The following VPS41 variants were observed in gnomAD, a reference collection of about 807,000 sequenced individuals.
VPS41 encodes vacuolar protein sorting-associated protein 41 homolog.
A neutral mutation model predicts 130.9 loss-of-function variants in VPS41; 85 were observed. The ratio of observed to expected loss-of-function variants is 0.65; its 90% CI spans 0.55 to 0.78. The LOEUF (loss-of-function observed/expected upper bound fraction) is 0.78, where lower values mean the gene tolerates loss of function less well. Among genes scored for constraint, VPS41 ranks in the 30% least tolerant of loss-of-function variants. The pLI is 0.00. For missense variants in VPS41, 874 were observed against 1,018.7 expected, an observed-to-expected ratio of 0.86 and a Z score of 1.93; for synonymous variants, 335 against 332.9, an observed-to-expected ratio of 1.01 and a Z score of -0.07.
chr7:38,757,547 GACA>G (rs1166300204), intron 18 of VPS41, among the ~76,000 whole-genome samples: 1 of 152,148 alleles, frequency 6.6e-6, no homozygotes. Context: ...TATCTAACAG[GACA>G]ACGTTTCCAA....
At position 38,904,393 on chromosome 7, in the gene VPS41, G is replaced by A. The variant is rs545157362; in HGVS notation, c.21+4761C>T. Reference sequence around the variant, plus strand: ...CATTTTAGTTACATGATGGGAAAGAGTGCACCCTCTAAAATCTGTCTGATT... The same window carrying A: ...CATTTTAGTTACATGATGGGAAAGAATGCACCCTCTAAAATCTGTCTGATT... On this transcript the variant is annotated intron_variant, in intron 1 of 28. Coordinates refer to ENST00000310301, the MANE Select transcript of VPS41 (RefSeq NM_014396.4). Among the ~76,000 whole-genome samples the A allele has an allele frequency of 2.0e-5, 3 of 152,324 alleles. No homozygotes were observed. In the South Asian group the frequency reaches 6.2e-4, roughly 32 times the overall value.
Position 38,874,697 on chromosome 7 carries a change from C to T in VPS41, c.61-5444G>A, listed in dbSNP as rs142576243. Among the ~76,000 whole-genome samples the T allele has an allele frequency of 9.7e-3, 1,480 of 152,214 alleles. 7 individuals carry two copies. Among genetic ancestry groups the T allele is most frequent in the Non-Finnish European group, 0.014 (975 of 67,990 alleles). On this transcript the variant is annotated intron_variant, in intron 2 of 28. Coordinates refer to ENST00000310301, the MANE Select transcript of VPS41 (RefSeq NM_014396.4). ...ACAAACACACACAAAAAAAACCTTT[C>T]ATGCAGTTTGAACTTCCACAGTAAA...
intron 25 of VPS41, among the ~76,000 whole-genome samples, chr7:38,730,930 C>G (rs186661564): frequency 7.9e-5 from 12 of 152,262 alleles, no homozygotes; most frequent in African/African-American, 2.9e-4. Context: ...ATATGCAAAC[C>G]AGGAAGGAGC....
rs144057780 is a variant in VPS41, at chr7:38,754,910, A to T, written c.1722T>A (p.Asn574Lys). ...TGACACTCACTGAAATTTTATCTTCATTGTCCAAAAGCATGTCAACAGCTT... is the reference window on the plus strand; with the variant it reads ...TGACACTCACTGAAATTTTATCTTCTTTGTCCAAAAGCATGTCAACAGCTT... ...SEKAVDMLLD[N>K]EDKISIKKVV... Residue 574 changes from asparagine (N) to lysine (K), a missense_variant, in exon 20 of 29, where the codon AAT becomes AAA. Asn to Lys is a moderately conservative substitution (Grantham distance 94). Transcript: ENST00000310301. The T allele has an allele frequency of 6.2e-7, 1 of 1,613,734 alleles. No individual in the cohort carries two copies. The highest frequency in any genetic ancestry group is 8.5e-7 in the Non-Finnish European group (1 of 1,179,796).
At chr7:38,788,921 A>C (rs1398412669) in intron 10 of VPS41, among the ~76,000 whole-genome samples, 2 of 152,258 alleles carry the variant, frequency 1.3e-5, no homozygotes, top group African/African-American at 4.8e-5. Context: ...ATGTGCAAAT[A>C]ATTTATTTCA....
At chr7:38,891,223 C>CTTTATA (rs1347820450) in intron 2 of VPS41, among the ~76,000 whole-genome samples, 4 of 151,772 alleles carry the variant, frequency 2.6e-5, no homozygotes, top group African/African-American at 9.7e-5. Context: ...ACAGAAGACA[C>CTTTATA]CTATAATATG....
At position 38,772,520 on chromosome 7, in the gene VPS41, A is replaced by ACT. The variant is rs759427205; in HGVS notation, c.1128_1128+1dup. ...CTTTCAAAGAAGTAAAATCAAGGGT[A>ACT]CTTCATATTTCTTCTTTTCAAGGAG... On this transcript the variant is annotated splice_donor_variant, in intron 13 of 28. Transcript: ENST00000310301. LOFTEE classifies it high-confidence loss of function. 3.9e-6 allele frequency: 6 copies of ACT among 1,532,196 alleles called. No homozygotes were observed. The South Asian group carries it at 6.7e-5, about 17-fold the overall frequency. 94.9% of individuals were successfully genotyped at this position (1,532,196 alleles called of 1,614,324 possible).
At chr7:38,851,762 C>T (rs1171635232) in intron 4 of VPS41, among the ~76,000 whole-genome samples, 3 of 152,162 alleles carry the variant, frequency 2.0e-5, no homozygotes, top group Non-Finnish European at 4.4e-5. Context: ...CACTATCGTA[C>T]ATCCACCAGC....
At position 38,727,095 on chromosome 7, in the gene VPS41, G is replaced by A. The variant is rs530941404; in HGVS notation, c.2405-107C>T. ...TTGCAGTTTAATTTTCAGCAATAAGGTGCCTTTAGAGAATGGCTTATTTAC... is the reference window on the plus strand; with the variant it reads ...TTGCAGTTTAATTTTCAGCAATAAGATGCCTTTAGAGAATGGCTTATTTAC... On this transcript the variant is annotated intron_variant, in intron 27 of 28. Transcript: ENST00000310301. 18 of 1,080,818 alleles carry A rather than the reference G, an allele frequency of 1.7e-5. No individual in the cohort carries two copies. In the Admixed American group the frequency reaches 2.1e-4, roughly 13 times the overall value. The allele number at this position is 1,080,818 out of a possible 1,614,324, so 67.0% of individuals were successfully genotyped here. A position where few individuals can be genotyped will look rare whatever the true frequency, so the allele number is the denominator to read the frequency against.
rs1246628003 is a variant in VPS41 at position 38,728,574 on chromosome 7, C to T, written c.2372G>A (p.Cys791Tyr). ...AAGAATAGGGGAAAGGCACGACTCA[C>T]AGATGTTCTCCTCTGTAAGAAAACA... Reference protein sequence around the residue: ...KGVLVDEENICESCLSPILPS... With the variant: ...KGVLVDEENIYESCLSPILPS... Residue 791 changes from cysteine (C) to tyrosine (Y), a missense_variant, in exon 27 of 29, where the codon TGT (cysteine) becomes TAT (tyrosine). Physicochemically the swap from Cys to Tyr is radical, Grantham distance 194. Coordinates refer to ENST00000310301, the MANE Select transcript of VPS41 (RefSeq NM_014396.4). The T allele has an allele frequency of 6.2e-7, 1 of 1,614,176 alleles. No individual in the cohort carries two copies. Among genetic ancestry groups the T allele is most frequent in the South Asian group, 1.1e-5 (1 of 91,080 alleles).
At chr7:38,776,883 T>C in intron 10 of VPS41, 107 bp from the exon 11 acceptor site, 2 of 586,538 alleles carry the variant, frequency 3.4e-6, no homozygotes, top group East Asian at 2.8e-5. Flanking sequence ...TTTTAAAAGC[T>C]AACGTAAAGG....
At chr7:38,729,498 A>G (rs995158203) in intron 25 of VPS41, among the ~76,000 whole-genome samples, 2 of 152,180 alleles carry the variant, frequency 1.3e-5, no homozygotes, top group African/African-American at 4.8e-5. Context: ...GACCATGAAT[A>G]CAAATATTCT....
chr7:38,880,893 C>T (rs960661927), intron 2 of VPS41, among the ~76,000 whole-genome samples: 1 of 152,170 alleles, frequency 6.6e-6, no homozygotes, highest in African/African-American at 2.4e-5. Context: ...AGAAAAGACA[C>T]ATTTTTATAA....
At chr7:38,797,067 A>G (rs1784635934) in intron 7 of VPS41, 1 of 578,180 alleles carries the variant, frequency 1.7e-6, no homozygotes, top group East Asian at 3.2e-5. Context: ...AGTTGTTTAA[A>G]ATGGATGAGT....
At position 38,743,533 on chromosome 7, in the gene VPS41, C is replaced by G; in HGVS notation, c.1991G>C (p.Gly664Ala). 1 of 1,613,664 alleles carries G rather than the reference C, an allele frequency of 6.2e-7. No individual in the cohort carries two copies. Among genetic ancestry groups the G allele is most frequent in the Non-Finnish European group, 8.5e-7 (1 of 1,179,732 alleles). The change falls in exon 24 of 29, where the codon GGT becomes GCT. Residue 664 changes from glycine to alanine, a missense_variant. Physicochemically the swap from Gly to Ala is moderately conservative, Grantham distance 60. Coordinates refer to ENST00000310301, the MANE Select transcript of VPS41 (RefSeq NM_014396.4). ...EETVYLLSRMGNSRSALKMIM... is the reference protein window; with the variant it reads ...EETVYLLSRMANSRSALKMIM... Reference sequence around the variant, plus strand: ...CATCTTCAGGGCACTTCGGCTATTACCCATTCGGCCTTGGTGGGGTGAAGA... The same window carrying G: ...CATCTTCAGGGCACTTCGGCTATTAGCCATTCGGCCTTGGTGGGGTGAAGA...
At chr7:38,813,412 T>C (rs1267223173) in intron 7 of VPS41, among the ~76,000 whole-genome samples, 4 of 152,050 alleles carry the variant, frequency 2.6e-5, no homozygotes, top group South Asian at 2.1e-4. Flanking sequence ...AGGTTTCTTT[T>C]TGGGGTGACG....
intron 25 of VPS41, chr7:38,741,199 T>C: frequency 4.3e-6 from 1 of 230,700 alleles, no homozygotes; most frequent in Non-Finnish European, 9.3e-6. Flanking sequence ...TGGCTTTACC[T>C]GCAAAAATTG....
At chr7:38,907,875 T>C (rs1351463323) in intron 1 of VPS41, among the ~76,000 whole-genome samples, 2 of 152,228 alleles carry the variant, frequency 1.3e-5, no homozygotes, top group African/African-American at 4.8e-5. Context: ...ATCTCACCCT[T>C]ATTCAAAGGA....
At chr7:38,840,222 A>T (rs1250918851) in intron 4 of VPS41, among the ~76,000 whole-genome samples, 1 of 152,132 alleles carries the variant, frequency 6.6e-6, no homozygotes. Flanking sequence ...AGCTATATAA[A>T]CACTGTTGAG....
Sources: gnomAD v4.1 joint callset for allele counts (sites outside exome capture counted in the v4.1 genomes callset) on GRCh38, gnomAD v4.1.1 for gene constraint, MANE v1.5 for transcripts, NCBI Gene and HGNC (gene_info 2026-07-23, HGNC 2026-07-21) for gene names.